CHRNA1: variants seen among roughly 807,000 people sequenced by gnomAD.
CHRNA1 encodes acetylcholine receptor subunit alpha.
In CHRNA1, 35 loss-of-function variants were observed where a neutral mutation model predicts 47.1. The ratio of observed to expected loss-of-function variants is 0.74; its 90% CI spans 0.57 to 0.99. The LOEUF (loss-of-function observed/expected upper bound fraction) is 0.99. Ranked by LOEUF, CHRNA1 falls within the 50% of genes least tolerant of loss-of-function variation. CHRNA1 has a pLI of 0.00. For synonymous variants in CHRNA1, 229 were observed against 223.6 expected (o/e 1.02, Z -0.22); for missense variants, 506 against 591.1 (o/e 0.86, Z 1.49).
In CHRNA1 at chr2:174,754,296, A is replaced by G. The variant is rs1401690815; in HGVS notation, c.463T>C (p.Phe155Leu). ...CTGCAGTTCTGTTCATCAAAGGGAA[A>G]GTGGGTGACGATGATCTCACAGTAG... is the stretch of plus-strand genomic sequence containing the variant. ...KSYCEIIVTHFPFDEQNCSMK... is the reference protein window; with the variant it reads ...KSYCEIIVTHLPFDEQNCSMK... Residue 155 changes from phenylalanine to leucine, a missense_variant, in exon 5 of 9, where the codon TTT becomes CTT. Transcript: ENST00000348749. The G allele has an allele frequency of 1.8e-5, 29 of 1,614,090 alleles. No homozygotes were observed. Among genetic ancestry groups the G allele is most frequent in the African/African-American group, 4.0e-5 (3 of 74,932 alleles).
intron 6 of CHRNA1, among the ~76,000 whole-genome samples, chr2:174,752,258 G>A (rs1382585218): frequency 6.6e-6 from 1 of 151,782 alleles, no homozygotes; most frequent in Non-Finnish European, 1.5e-5. Context: ...AAAGAATTGT[G>A]TTTGTGATTA....
chr2:174,762,111 A>G (rs963097777), intron 1 of CHRNA1, among the ~76,000 whole-genome samples: 2 of 152,142 alleles, frequency 1.3e-5, no homozygotes, highest in African/African-American at 4.8e-5. Context: ...CTCCTTTCCC[A>G]CCCTAGCCAA....
chr2:174,749,914 C>G (rs563359145), intron 7 of CHRNA1, 32 bp downstream of exon 7: 1 of 1,577,986 alleles, frequency 6.3e-7, no homozygotes, highest in Non-Finnish European at 8.7e-7. Context: ...GATGTGCCTC[C>G]GTGTGAAGTC....
At chr2:174,754,455 G>C in intron 4 of CHRNA1, 41 bp from the exon 5 acceptor site, 1 of 1,563,218 alleles carries the variant, frequency 6.4e-7, no homozygotes, top group Middle Eastern at 1.9e-4. Context: ...CCAAGTGACA[G>C]ATGAGCCTTC....
chr2:174,753,703 C>T lies in CHRNA1; in HGVS notation c.578G>A (p.Ser193Asn). 6.2e-7 allele frequency: 1 copy of T among 1,614,086 alleles called. No homozygotes were observed. Among genetic ancestry groups the T allele is most frequent in the Non-Finnish European group, 8.5e-7 (1 of 1,180,014 alleles). ...DQPDLSNFMESGEWVIKESRG... is the reference protein window; with the variant it reads ...DQPDLSNFMENGEWVIKESRG... ...GGACTCCTTGATCACCCACTCCCCGCTCTCCATGAAGTTGCTCAGGTCTGG... is the reference window on the plus strand; with the variant it reads ...GGACTCCTTGATCACCCACTCCCCGTTCTCCATGAAGTTGCTCAGGTCTGG... Residue 193 changes from serine (S) to asparagine (N), a missense_variant, in exon 6 of 9, where the codon AGC (serine) becomes AAC (asparagine). Physicochemically the swap from Ser to Asn is conservative, Grantham distance 46. Transcript: ENST00000348749.
Position 174,753,576 on chromosome 2 carries a change from G to T in CHRNA1, c.705C>A (p.Ile235=), listed in dbSNP as rs143252724. Residue 235 remains isoleucine, a synonymous_variant, in exon 6 of 9, where the codon ATC becomes ATA. Coordinates refer to ENST00000348749, the MANE Select transcript of CHRNA1 (RefSeq NM_000079.4). ...FVMQRLPLYF[I]VNVIIPCLLF... ...GCAGGCAGGGGATGATGACGTTGAC[G>T]ATGAAGTAGAGGGGCAGGCGCTGCA... 7 of 1,614,184 alleles carry T rather than the reference G, an allele frequency of 4.3e-6. No individual in the cohort carries two copies. The highest frequency in any genetic ancestry group is 1.7e-5 in the Admixed American group (1 of 60,012).
rs1345037193 is a variant in CHRNA1, at chr2:174,747,664, C to A, written c.*460G>T. On this transcript the variant is annotated 3_prime_UTR_variant, in exon 9 of 9. Coordinates refer to ENST00000348749, the MANE Select transcript of CHRNA1 (RefSeq NM_000079.4). ...TCTCTCTCCAAATCAAATGCCTTAT[C>A]TCTTTAGGACTGGTAGATGGGGTTT... The A allele has an allele frequency of 5.8e-6, 1 of 172,734 alleles. No individual in the cohort carries two copies. Among genetic ancestry groups the A allele is most frequent in the African/African-American group, 2.4e-5 (1 of 41,698 alleles). 10.7% of individuals were successfully genotyped at this position (172,734 alleles called of 1,614,324 possible). A position where few individuals can be genotyped will look rare whatever the true frequency, so the allele number is the denominator to read the frequency against.
chr2:174,749,869 A>G (rs1288930463), intron 7 of CHRNA1, 77 bp downstream of exon 7: 14 of 1,299,656 alleles, frequency 1.1e-5, no homozygotes, highest in Non-Finnish European at 1.1e-5. Context: ...AGTATTAGCT[A>G]GAAACCCACT....
chr2:174,758,141 G>T (rs1266361335), intron 3 of CHRNA1: 74 of 1,416,694 alleles, frequency 5.2e-5, no homozygotes, highest in Non-Finnish European at 7.1e-5. Context: ...GGGCATGGTG[G>T]CTCATGCCTG....
At chr2:174,759,309 T>C (rs1382901991) in intron 3 of CHRNA1, 22 bp downstream of exon 3, 2 of 1,613,472 alleles carry the variant, frequency 1.2e-6, no homozygotes, top group Non-Finnish European at 8.5e-7. Context: ...ACGACACACA[T>C]GCAATTATCT....
chr2:174,754,044 G>A (rs547226794), intron 5 of CHRNA1, among the ~76,000 whole-genome samples, 175 bp downstream of exon 5: 2 of 152,290 alleles, frequency 1.3e-5, no homozygotes, highest in East Asian at 3.9e-4. Context: ...CCTGGGTGTA[G>A]CAAATTAATT....
chr2:174,754,168 C>T (rs1257388800), intron 5 of CHRNA1, 51 bp downstream of exon 5: 16 of 1,562,878 alleles, frequency 1.0e-5, no homozygotes, highest in African/African-American at 1.4e-5. Context: ...GTTGGAGACC[C>T]GAATCACAAT....
At chr2:174,763,328 GCGCACACACACACA>G (rs1684132222) in intron 1 of CHRNA1, among the ~76,000 whole-genome samples, 1 of 121,352 alleles carries the variant, frequency 8.2e-6, no homozygotes, top group African/African-American at 3.0e-5. Context: ...GTGCACGCGC[GCGCACACACACACA>G]CACACACACA....
intron 6 of CHRNA1, among the ~76,000 whole-genome samples, chr2:174,750,708 C>G (rs541412014): frequency 2.0e-5 from 3 of 152,146 alleles, no homozygotes; most frequent in Admixed American, 6.5e-5. Context: ...ACCACCATAC[C>G]TTAACTTTTC....
chr2:174,761,612 G>A (rs373763730), intron 1 of CHRNA1, among the ~76,000 whole-genome samples: 1 of 152,232 alleles, frequency 6.6e-6, no homozygotes, highest in East Asian at 1.9e-4. Context: ...ACCTCACCCG[G>A]CTAGTTTCAC....
chr2:174,750,226 G>T, intron 6 of CHRNA1, 57 bp from the exon 7 acceptor site: 2 of 1,363,072 alleles, frequency 1.5e-6, no homozygotes, highest in South Asian at 1.2e-5. Flanking sequence ...GGGTTGGGCT[G>T]CAGTGTTCCT....
At chr2:174,754,164 G>A in intron 5 of CHRNA1, 55 bp downstream of exon 5, 5 of 1,525,890 alleles carry the variant, frequency 3.3e-6, no homozygotes, top group Non-Finnish European at 4.5e-6. Flanking sequence ...AAAAGTTGGA[G>A]ACCCGAATCA....
At chr2:174,760,802 C>T (rs964639658) in intron 1 of CHRNA1, among the ~76,000 whole-genome samples, 7 of 152,156 alleles carry the variant, frequency 4.6e-5, no homozygotes, top group Admixed American at 3.9e-4. Context: ...GAAAACTGTG[C>T]TTTGTTGACC....
rs1208011631 is a variant in CHRNA1 at position 174,750,104 on chromosome 2, C to A, written c.844G>T (p.Glu282Ter). 7.4e-6 allele frequency: 12 copies of A among 1,613,866 alleles called. No individual in the cohort carries two copies. Among genetic ancestry groups the A allele is most frequent in the Non-Finnish European group, 1.0e-5 (12 of 1,179,992 alleles). Residue 282 changes from glutamate to a stop codon, truncating the protein, a stop_gained, in exon 7 of 9, where the codon GAG (glutamate) becomes TAG (stop). Transcript: ENST00000348749. LOFTEE classifies it high-confidence loss of function. ...SLTVFLLVIVELIPSTSSAVP... is the reference protein window; with the variant it reads ...SLTVFLLVIV The stretch of plus-strand genomic sequence containing the variant: ...GCACTGGACGTGGAGGGGATCAGCT[C>A]CACGATGACCAGAAGGAACACAGTC...
Sources: allele counts gnomAD v4.1 joint callset (sites outside exome capture counted in the v4.1 genomes callset), GRCh38; gene constraint gnomAD v4.1.1; transcripts MANE v1.5; gene names NCBI Gene and HGNC (gene_info 2026-07-23, HGNC 2026-07-21).